Variants in TENM4 observed in about 807,000 individuals in gnomAD.
TENM4 encodes the protein teneurin transmembrane protein 4, also known as teneurin-4.
A neutral mutation model predicts 243.3 loss-of-function variants in TENM4; 82 were observed. The observed-to-expected ratio is 0.34, with a 90% CI of 0.28 to 0.40. The LOEUF (loss-of-function observed/expected upper bound fraction) is 0.40, where lower values mean the gene tolerates loss of function less well. Ranked by LOEUF, TENM4 falls within the 10% of genes least tolerant of loss-of-function variation. TENM4 has a pLI of 1.00. For missense variants in TENM4, 3,138 were observed against 3,673.3 expected (o/e 0.85, Z 3.77); for synonymous variants, 1,412 against 1,456.3 (o/e 0.97, Z 0.69).
chr11:78,890,048 T>C, intron 8 of TENM4, 28 bp from the exon 9 acceptor site: 2 of 1,503,816 alleles, frequency 1.3e-6, no homozygotes, highest in Non-Finnish European at 1.8e-6. Context: ...CAAGAGGGTG[T>C]CAGGGGCTGC....
At chr11:78,919,161 C>A (rs973753654) in intron 6 of TENM4, among the ~76,000 whole-genome samples, 6 of 152,130 alleles carry the variant, frequency 3.9e-5, no homozygotes, top group Middle Eastern at 3.2e-3. Context: ...TGAGTGAATA[C>A]TATGTGCCAG....
chr11:79,423,535 ATTTTTTTTTT>A (rs67697266), intron 1 of TENM4, among the ~76,000 whole-genome samples: 24,662 of 114,384 alleles, frequency 0.22, 2,209 homozygotes, highest in Middle Eastern at 0.27. Context: ...TTACAAGTGC[ATTTTTTTTTT>A]TTTTTTTTTT....
intron 19 of TENM4, among the ~76,000 whole-genome samples, chr11:78,751,787 C>T (rs1856197088): frequency 6.6e-6 from 1 of 152,198 alleles, no homozygotes; most frequent in Admixed American, 6.5e-5. Flanking sequence ...CGTTGCCCTC[C>T]CTTTCCCAGC....
At chr11:78,826,811 A>T (rs1331614872) in intron 12 of TENM4, among the ~76,000 whole-genome samples, 1 of 152,168 alleles carries the variant, frequency 6.6e-6, no homozygotes. Context: ...CTTGTTAAAT[A>T]CAAAAAAAAA....
chr11:79,409,122 A>G (rs1365196990), intron 1 of TENM4, among the ~76,000 whole-genome samples: 8 of 139,016 alleles, frequency 5.8e-5, no homozygotes, highest in Admixed American at 2.1e-4. Flanking sequence ...GCGTGCGTGC[A>G]CGCGCACGCA....
At chr11:79,374,677 A>G (rs973598614) in intron 1 of TENM4, among the ~76,000 whole-genome samples, 5 of 152,004 alleles carry the variant, frequency 3.3e-5, no homozygotes, top group Non-Finnish European at 5.9e-5. Context: ...TTATATGAGG[A>G]TCCTAGTTTT....
intron 2 of TENM4, among the ~76,000 whole-genome samples, chr11:79,255,515 A>C (rs1855686848): frequency 6.6e-6 from 1 of 152,262 alleles, no homozygotes; most frequent in East Asian, 1.9e-4. Flanking sequence ...TGAACAATAA[A>C]GATTCATTTG....
At chr11:79,330,479 C>T (rs1857044356) in intron 1 of TENM4, among the ~76,000 whole-genome samples, 1 of 152,168 alleles carries the variant, frequency 6.6e-6, no homozygotes, top group African/African-American at 2.4e-5. Context: ...CCTTAATCCT[C>T]CCTCTTTCTC....
chr11:78,997,487 G>A lies in TENM4; in HGVS notation c.493+67251C>T, dbSNP rs78589092. Among the ~76,000 whole-genome samples the A allele has an allele frequency of 6.9e-3, 1,057 of 152,246 alleles. 16 individuals are homozygous for A. Among genetic ancestry groups the A allele is most frequent in the African/African-American group, 0.024 (1,013 of 41,526 alleles). ...ACAACTTTAAGACTGGTTAAAATAC[G>A]TGCCATAGTTATAATTCAGGAGCTA... On this transcript the variant is annotated intron_variant, in intron 6 of 33. Coordinates refer to ENST00000278550, the MANE Select transcript of TENM4 (RefSeq NM_001098816.3).
At chr11:79,065,135 C>T in intron 5 of TENM4, 128 bp from the exon 6 acceptor site, 1 of 1,371,352 alleles carries the variant, frequency 7.3e-7, no homozygotes, top group Non-Finnish European at 9.5e-7. Context: ...GCATTCTATG[C>T]CCATGCCTTT....
At chr11:79,143,727 G>T (rs1262220915) in intron 4 of TENM4, among the ~76,000 whole-genome samples, 2 of 151,434 alleles carry the variant, frequency 1.3e-5, no homozygotes, top group Non-Finnish European at 2.9e-5. Context: ...AAATGGTGCT[G>T]GGAAAACAAG....
intron 3 of TENM4, chr11:79,191,481 C>A (rs919748000): frequency 1.3e-5 from 2 of 154,086 alleles, no homozygotes; most frequent in Non-Finnish European, 2.8e-5. Context: ...TCGCTACGGC[C>A]TCCACCTCCC....
intron 1 of TENM4, among the ~76,000 whole-genome samples, chr11:79,306,943 G>A (rs1450807824): frequency 2.0e-5 from 3 of 152,150 alleles, no homozygotes; most frequent in Admixed American, 1.3e-4. Flanking sequence ...TGCCATAGTC[G>A]TGGACTCCAA....
At chr11:79,106,751 TG>T (rs1279290539) in intron 4 of TENM4, among the ~76,000 whole-genome samples, 6 of 152,222 alleles carry the variant, frequency 3.9e-5, no homozygotes, top group Non-Finnish European at 8.8e-5. Flanking sequence ...ATGGCAGAGA[TG>T]GGACAAGAAC....
Position 78,669,655 on chromosome 11 carries a change from G to A in TENM4, c.6690C>T (p.Asn2230=). The A allele has an allele frequency of 6.2e-7, 1 of 1,614,016 alleles. No individual in the cohort carries two copies. The part of the protein sequence containing the change: ...NGNLHLLSPG[N]SARLTPLRYD... Reference sequence around the variant, plus strand: ...ACCGTAGTGGTGTGAGCCGTGCACTGTTCCCAGGGCTCAGTAAGTGCAGGT... The same window carrying A: ...ACCGTAGTGGTGTGAGCCGTGCACTATTCCCAGGGCTCAGTAAGTGCAGGT... The change falls in exon 32 of 34, where the codon AAC becomes AAT. Residue 2230 remains asparagine, a synonymous_variant. Transcript: ENST00000278550. This position sits in a 1 kb window ranked among gnomAD's most constrained non-coding sequence, Gnocchi z 6.4.
intron 19 of TENM4, among the ~76,000 whole-genome samples, chr11:78,752,040 G>A (rs184374443): frequency 1.1e-4 from 17 of 152,324 alleles, no homozygotes; most frequent in Admixed American, 5.9e-4. Flanking sequence ...TGGTTCCCAT[G>A]CCTACTCTGT....
chr11:79,421,578 T>C (rs1858931675), intron 1 of TENM4, among the ~76,000 whole-genome samples: 1 of 152,078 alleles, frequency 6.6e-6, no homozygotes, highest in Non-Finnish European at 1.5e-5. Context: ...TCTAACGGGG[T>C]TTTCACACAA....
At chr11:79,118,000 T>C (rs1313915747) in intron 4 of TENM4, among the ~76,000 whole-genome samples, 1 of 152,190 alleles carries the variant, frequency 6.6e-6, no homozygotes, top group Non-Finnish European at 1.5e-5. Context: ...AAGAAATGCT[T>C]TTGGGGCATT....
At chr11:79,399,224 G>T (rs1238019691) in intron 1 of TENM4, among the ~76,000 whole-genome samples, 2 of 152,160 alleles carry the variant, frequency 1.3e-5, no homozygotes, top group Admixed American at 1.3e-4. Context: ...CAGTCCACCA[G>T]GCACAGAATA....
Sources: allele counts gnomAD v4.1 joint callset (sites outside exome capture counted in the v4.1 genomes callset), GRCh38; gene constraint gnomAD v4.1.1; non-coding constraint Gnocchi (gnomAD v3.1); transcripts MANE v1.5; gene names NCBI Gene and HGNC (gene_info 2026-07-23, HGNC 2026-07-21).